The following PTPRD variants were observed in gnomAD, a reference collection of about 807,000 sequenced individuals.
The protein encoded by PTPRD is receptor-type tyrosine-protein phosphatase delta.
Under a neutral mutation model 214.5 loss-of-function variants are expected in PTPRD, and 34 were observed. That is an observed-to-expected ratio of 0.16 (90% CI 0.12 to 0.21). PTPRD has a LOEUF of 0.21. PTPRD is among the 10% of genes least tolerant of loss of function. The pLI, the probability that PTPRD is intolerant of heterozygous loss-of-function variation, is 1.00. For missense variants in PTPRD, 2,545 were observed against 2,398.7 expected (o/e 1.06, Z -1.27); for synonymous variants, 1,128 against 845.7 (o/e 1.33, Z -5.79).
chr9:10,297,929 G>T (rs952274293), intron 3 of PTPRD, among the ~76,000 whole-genome samples: 2 of 151,964 alleles, frequency 1.3e-5, no homozygotes, highest in African/African-American at 4.8e-5. Flanking sequence ...TACTATGGTG[G>T]CTATTTCCTA....
At chr9:10,003,339 G>A (rs2096381804) in intron 4 of PTPRD, among the ~76,000 whole-genome samples, 1 of 151,714 alleles carries the variant, frequency 6.6e-6, no homozygotes, top group African/African-American at 2.4e-5. Context: ...AGATGATGCA[G>A]GACCACTGAA....
At chr9:9,739,301 C>T (rs995838912) in intron 6 of PTPRD, among the ~76,000 whole-genome samples, 3 of 152,090 alleles carry the variant, frequency 2.0e-5, no homozygotes, top group African/African-American at 4.8e-5. Context: ...TAGTTGTAAG[C>T]GTTTGCTAGA....
intron 11 of PTPRD, among the ~76,000 whole-genome samples, chr9:8,918,602 T>C (rs2098803822): frequency 6.6e-6 from 1 of 152,194 alleles, no homozygotes; most frequent in South Asian, 2.1e-4. Flanking sequence ...CATGCATATA[T>C]AGTGATTACT....
Position 8,342,055 on chromosome 9 carries a change from T to A in PTPRD, c.4662-77A>T, listed in dbSNP as rs1157925274. ...TACATAATAAAAGTATTTTTATTATTCTTATTAACTAGACCTTACATCCAT... is the reference window on the plus strand; with the variant it reads ...TACATAATAAAAGTATTTTTATTATACTTATTAACTAGACCTTACATCCAT... On this transcript the variant is annotated intron_variant, in intron 39 of 45. Coordinates refer to ENST00000381196, the MANE Select transcript of PTPRD (RefSeq NM_002839.4). 8 of 1,349,648 alleles carry A rather than the reference T, an allele frequency of 5.9e-6. No homozygotes were observed. The East Asian group carries it at 2.0e-4, about 34-fold the overall frequency. 83.6% of individuals were successfully genotyped at this position (1,349,648 alleles called of 1,614,324 possible). A position where few individuals can be genotyped will look rare whatever the true frequency, so the allele number is the denominator to read the frequency against.
chr9:9,847,375 A>G (rs1245093980), intron 5 of PTPRD, among the ~76,000 whole-genome samples: 1 of 152,190 alleles, frequency 6.6e-6, no homozygotes, highest in Non-Finnish European at 1.5e-5. Flanking sequence ...CAGGATTTCA[A>G]GCATGTCAAA....
chr9:8,731,558 G>A (rs1227283459), intron 12 of PTPRD, among the ~76,000 whole-genome samples: 2 of 152,132 alleles, frequency 1.3e-5, no homozygotes, highest in Non-Finnish European at 2.9e-5. Context: ...TTATTTCAGT[G>A]TTTGAAGAAA....
chr9:9,618,102 A>AAAAAAAAAAAAAAAAAC, intron 7 of PTPRD, among the ~76,000 whole-genome samples: 1 of 146,976 alleles, frequency 6.8e-6, no homozygotes, highest in South Asian at 2.1e-4. Context: ...AAAAAAAAAA[A>AAAAAAAAAAAAAAAAAC]AAGATTTTGT....
chr9:10,076,172 T>C (rs1253665412), intron 3 of PTPRD, among the ~76,000 whole-genome samples: 1 of 152,118 alleles, frequency 6.6e-6, no homozygotes, highest in African/African-American at 2.4e-5. Context: ...GAGTGCAGGT[T>C]TGAGGGTCTA....
chr9:9,567,119 A>G (rs2084800141), intron 8 of PTPRD, among the ~76,000 whole-genome samples: 1 of 152,076 alleles, frequency 6.6e-6, no homozygotes, highest in African/African-American at 2.4e-5. Context: ...CTGAAGATTC[A>G]TGAAATACTG....
intron 9 of PTPRD, among the ~76,000 whole-genome samples, chr9:9,267,601 C>A (rs1940591232): frequency 6.6e-6 from 1 of 151,122 alleles, no homozygotes; most frequent in Non-Finnish European, 1.5e-5. Context: ...AAGCCAATAT[C>A]CCTGGTGAGC....
At chr9:8,606,330 T>G (rs2095211898) in intron 14 of PTPRD, among the ~76,000 whole-genome samples, 1 of 152,076 alleles carries the variant, frequency 6.6e-6, no homozygotes, top group African/African-American at 2.4e-5. Flanking sequence ...TTGAGGAAGA[T>G]CACAGTCTAG....
intron 7 of PTPRD, among the ~76,000 whole-genome samples, chr9:9,691,445 G>A (rs2097268682): frequency 4.6e-5 from 7 of 152,018 alleles, no homozygotes; most frequent in Admixed American, 4.6e-4. Flanking sequence ...TTCTATCCAT[G>A]TTGTTGCAAA....
chr9:8,950,591 C>A (rs867165338), intron 11 of PTPRD, among the ~76,000 whole-genome samples: 1 of 151,718 alleles, frequency 6.6e-6, no homozygotes, highest in Non-Finnish European at 1.5e-5. Flanking sequence ...GATGTCATAA[C>A]ATTGTATACA....
At chr9:9,656,178 C>G (rs1564356451) in intron 7 of PTPRD, among the ~76,000 whole-genome samples, 1 of 152,066 alleles carries the variant, frequency 6.6e-6, no homozygotes, top group African/African-American at 2.4e-5. Flanking sequence ...AGTGGGAATC[C>G]AAAATGATAC....
At chr9:8,352,079 T>C (rs2075655011) in intron 39 of PTPRD, among the ~76,000 whole-genome samples, 1 of 66,324 alleles carries the variant, frequency 1.5e-5, no homozygotes, top group South Asian at 6.0e-4. Context: ...ATGGGCCTAA[T>C]CTGATTTTTT....
At chr9:9,332,145 A>G (rs1485435452) in intron 9 of PTPRD, among the ~76,000 whole-genome samples, 5 of 152,088 alleles carry the variant, frequency 3.3e-5, no homozygotes, top group Non-Finnish European at 5.9e-5. Context: ...TAAAAATACC[A>G]AATTGTAAGA....
At chr9:8,518,573 T>A in intron 20 of PTPRD, 144 bp from the exon 21 acceptor site, 1 of 640,438 alleles carries the variant, frequency 1.6e-6, no homozygotes, top group Non-Finnish European at 2.5e-6. Flanking sequence ...AGTAGTTTTC[T>A]GAATGGCCAA....
At position 8,666,621 on chromosome 9, in the gene PTPRD, T is replaced by C. The variant is rs147161945; in HGVS notation, c.65-29777A>G. 7.6e-3 allele frequency among the ~76,000 whole-genome samples: 1,152 copies of C among 152,282 alleles called. 11 individuals are homozygous for C. The highest frequency in any genetic ancestry group is 0.027 in the South Asian group (130 of 4,830). On this transcript the variant is annotated intron_variant, in intron 12 of 45. Coordinates refer to ENST00000381196, the MANE Select transcript of PTPRD (RefSeq NM_002839.4). ...GTTCTAAGACAATTGGAAGAGAAAA[T>C]ACATGCACTCCTCTAGCCAATAGAT...
At chr9:9,687,950 G>T (rs768904629) in intron 7 of PTPRD, among the ~76,000 whole-genome samples, 5 of 151,790 alleles carry the variant, frequency 3.3e-5, no homozygotes, top group Non-Finnish European at 5.9e-5. Flanking sequence ...GATCATGGGG[G>T]CAGTTTCACT....
Sources: gnomAD v4.1 joint callset for allele counts (sites outside exome capture counted in the v4.1 genomes callset) on GRCh38, gnomAD v4.1.1 for gene constraint, MANE v1.5 for transcripts, NCBI Gene and HGNC (gene_info 2026-07-23, HGNC 2026-07-21) for gene names.